The following KIAA1671 variants were observed in gnomAD, a reference collection of about 807,000 sequenced individuals.
KIAA1671 encodes the protein uncharacterized protein KIAA1671.
In KIAA1671, 52 loss-of-function variants were observed where a neutral mutation model predicts 131.2. The observed-to-expected ratio is 0.40, with a 90% CI of 0.32 to 0.50. The LOEUF (loss-of-function observed/expected upper bound fraction) is 0.50, where lower values mean the gene tolerates loss of function less well. Among genes scored for constraint, KIAA1671 ranks in the 20% least tolerant of loss-of-function variants. The pLI, the probability that KIAA1671 is intolerant of heterozygous loss-of-function variation, is 0.73. For missense variants in KIAA1671, 2,360 were observed against 2,364.2 expected (o/e 1.00, Z 0.04); for synonymous variants, 1,003 against 961.6 (o/e 1.04, Z -0.80).
At chr22:25,139,197 G>A (rs368958289) in intron 6 of KIAA1671, among the ~76,000 whole-genome samples, 96 of 152,348 alleles carry the variant, frequency 6.3e-4, no homozygotes, top group African/African-American at 2.3e-3. Context: ...ATTGCCTGGG[G>A]TTCTCAGAGA....
At chr22:25,174,562 T>TG in intron 8 of KIAA1671, 73 bp downstream of exon 8, 2 of 1,448,764 alleles carry the variant, frequency 1.4e-6, no homozygotes, top group Non-Finnish European at 1.8e-6. Flanking sequence ...CCACTTCAGG[T>TG]GTAGGATCTG....
At chr22:25,119,485 A>G (rs1331127914) in intron 6 of KIAA1671, among the ~76,000 whole-genome samples, 1 of 152,258 alleles carries the variant, frequency 6.6e-6, no homozygotes, top group African/African-American at 2.4e-5. Context: ...GTTTTGTACC[A>G]GATACTGTGC....
At chr22:25,021,090 G>A in intron 1 of KIAA1671, among the ~76,000 whole-genome samples, 1 of 152,022 alleles carries the variant, frequency 6.6e-6, no homozygotes, top group Non-Finnish European at 1.5e-5. Flanking sequence ...TTTAAGACAG[G>A]GTCTGGCTTT....
intron 6 of KIAA1671, among the ~76,000 whole-genome samples, chr22:25,086,180 T>C (rs2145871467): frequency 6.6e-6 from 1 of 152,332 alleles, no homozygotes; most frequent in South Asian, 2.1e-4. Flanking sequence ...AAGAAAACAA[T>C]GAATGCGAAA....
At position 25,113,107 on chromosome 22, in the gene KIAA1671, T is replaced by C. The variant is rs114320218; in HGVS notation, c.4531-57713T>C. On this transcript the variant is annotated intron_variant, in intron 6 of 12. Coordinates refer to ENST00000358431, the MANE Select transcript of KIAA1671 (RefSeq NM_001145206.2). ...ATTAAAACCTTGGCCTGTGTCCTGC[T>C]AGGCGACAGTGCAGAAACAATCGTA... 1.6e-3 allele frequency among the ~76,000 whole-genome samples: 238 copies of C among 152,252 alleles called. 1 individual carries two copies. Among genetic ancestry groups the C allele is most frequent in the African/African-American group, 5.5e-3 (228 of 41,546 alleles).
chr22:25,102,969 C>T (rs1425502227), intron 6 of KIAA1671: 1 of 152,598 alleles, frequency 6.6e-6, no homozygotes, highest in African/African-American at 2.4e-5. Flanking sequence ...GCCAGCCCTT[C>T]CCACACGTAG....
In KIAA1671 at chr22:25,115,523, T is replaced by C. The variant is rs566965110; in HGVS notation, c.4531-55297T>C. 2.6e-5 allele frequency among the ~76,000 whole-genome samples: 4 copies of C among 152,274 alleles called. No individual in the cohort carries two copies. In the East Asian group the frequency reaches 5.8e-4, roughly 22 times the overall value. On this transcript the variant is annotated intron_variant, in intron 6 of 12. Transcript: ENST00000358431. ...GGTGGTTCAATGGGACAGAGTGGAC[T>C]AAGAGCAAGCATAGCCCTGGCATGC...
At chr22:25,035,441 G>T (rs370429647) in intron 4 of KIAA1671, among the ~76,000 whole-genome samples, 1 of 152,108 alleles carries the variant, frequency 6.6e-6, no homozygotes, top group Non-Finnish European at 1.5e-5. Context: ...AGAAACTTCC[G>T]TGGAGTTTTA....
intron 6 of KIAA1671, among the ~76,000 whole-genome samples, chr22:25,068,324 G>A (rs1928602070): frequency 6.6e-6 from 1 of 152,264 alleles, no homozygotes; most frequent in African/African-American, 2.4e-5. Context: ...TGCCTGCTGG[G>A]AGTGGGGCGC....
chr22:25,087,043 C>T (rs1929762125), intron 6 of KIAA1671, among the ~76,000 whole-genome samples: 1 of 152,122 alleles, frequency 6.6e-6, no homozygotes. Context: ...TTCAAATCTA[C>T]CTCTTTGACT....
At chr22:25,182,270 C>T (rs913114138) in intron 10 of KIAA1671, among the ~76,000 whole-genome samples, 1 of 151,170 alleles carries the variant, frequency 6.6e-6, no homozygotes, top group Non-Finnish European at 1.5e-5. Context: ...TTTGTCCCTT[C>T]TTCCTCCCTC....
chr22:25,017,102 G>A (rs1432389917), intron 1 of KIAA1671, among the ~76,000 whole-genome samples: 1 of 152,142 alleles, frequency 6.6e-6, no homozygotes, highest in Non-Finnish European at 1.5e-5. Context: ...GGTGGTAATG[G>A]CTGGGCGCGG....
At chr22:25,141,642 A>G (rs1381022400) in intron 6 of KIAA1671, among the ~76,000 whole-genome samples, 1 of 152,140 alleles carries the variant, frequency 6.6e-6, no homozygotes, top group African/African-American at 2.4e-5. Context: ...AAAAAACCCT[A>G]ATCACCAGGG....
At chr22:24,979,459 C>T (rs1923112532) in intron 1 of KIAA1671, among the ~76,000 whole-genome samples, 1 of 151,510 alleles carries the variant, frequency 6.6e-6, no homozygotes, top group Admixed American at 6.6e-5. Flanking sequence ...ATGCCATTCT[C>T]CTGCCTCAGC....
At chr22:25,144,513 A>G (rs377588459) in intron 6 of KIAA1671, among the ~76,000 whole-genome samples, 1 of 152,236 alleles carries the variant, frequency 6.6e-6, no homozygotes, top group African/African-American at 2.4e-5. Flanking sequence ...TTGAGGCCAC[A>G]GGACAAACTC....
intron 6 of KIAA1671, among the ~76,000 whole-genome samples, chr22:25,097,478 C>T (rs910670751): frequency 6.6e-6 from 1 of 152,172 alleles, no homozygotes; most frequent in African/African-American, 2.4e-5. Flanking sequence ...CAGTGGCTCA[C>T]GCCTGTAATC....
chr22:25,062,035 C>T (rs57376615), intron 6 of KIAA1671: 1 of 149,174 alleles, frequency 6.7e-6, no homozygotes, highest in African/African-American at 2.5e-5. Context: ...TCCCTTTTCT[C>T]CTCCTTCTGC....
At chr22:25,175,943 T>C (rs536362804) in intron 8 of KIAA1671, 1 of 152,198 alleles carries the variant, frequency 6.6e-6, no homozygotes, top group Non-Finnish European at 1.5e-5. Context: ...CCAACCATGA[T>C]TTAGGTCTCC....
chr22:25,040,613 A>G lies in KIAA1671; in HGVS notation c.3483A>G (p.Gln1161=). The G allele has an allele frequency of 3.9e-6, 6 of 1,551,764 alleles. No individual in the cohort carries two copies. Among genetic ancestry groups the G allele is most frequent in the Non-Finnish European group, 5.2e-6 (6 of 1,147,014 alleles). The stretch of plus-strand genomic sequence containing the variant: ...TGTCCCCCAGCGGCGGAGCTCCCCA[A>G]ACCACCCCGACTCTGAGGAGTCGTC... The part of the protein sequence containing the change: ...NKMSPSGGAP[Q]TTPTLRSRPK... The change falls in exon 5 of 13, where the codon CAA becomes CAG. Residue 1161 remains glutamine, a synonymous_variant. Coordinates refer to ENST00000358431, the MANE Select transcript of KIAA1671 (RefSeq NM_001145206.2).
Sources: allele counts gnomAD v4.1 joint callset (sites outside exome capture counted in the v4.1 genomes callset), GRCh38; gene constraint gnomAD v4.1.1; transcripts MANE v1.5; gene names NCBI Gene and HGNC (gene_info 2026-07-23, HGNC 2026-07-21).